The following DYSF variants were observed in gnomAD, a reference collection of about 807,000 sequenced individuals.
DYSF encodes dystrophy-associated fer-1-like 1.
Under a neutral mutation model 274.9 loss-of-function variants are expected in DYSF, and 212 were observed. The observed-to-expected ratio is 0.77, with a 90% CI of 0.69 to 0.86. The LOEUF (loss-of-function observed/expected upper bound fraction) is 0.86. DYSF is among the 40% of genes least tolerant of loss of function. DYSF has a pLI of 0.00. For synonymous variants in DYSF, 1,091 were observed against 1,078.7 expected (o/e 1.01, Z -0.22); for missense variants, 2,666 against 2,783.2 (o/e 0.96, Z 0.95).
At chr2:71,526,418 T>TGGGGGGGGGGGTTG in intron 13 of DYSF, 72 bp downstream of exon 13, 1 of 261,502 alleles carries the variant, frequency 3.8e-6, no homozygotes, top group Non-Finnish European at 7.0e-6. Flanking sequence ...GGGTGGGCGA[T>TGGGGGGGGGGGTTG]GGCGGGCGGG....
intron 40 of DYSF, among the ~76,000 whole-genome samples, chr2:71,617,751 G>C (rs1260037333): frequency 3.3e-5 from 3 of 91,644 alleles, no homozygotes; most frequent in African/African-American, 1.1e-4. Flanking sequence ...TGTGTATGTG[G>C]GGTAGAGGTG....
chr2:71,682,498 T>A (rs2095308689), intron 54 of DYSF, 32 bp from the exon 55 acceptor site: 2 of 1,614,064 alleles, frequency 1.2e-6, no homozygotes, highest in African/African-American at 1.3e-5. Context: ...TAGTAAAGGA[T>A]GCCCAGTTGA....
chr2:71,561,411 C>G (rs910217795), intron 22 of DYSF, among the ~76,000 whole-genome samples: 1 of 152,142 alleles, frequency 6.6e-6, no homozygotes, highest in Non-Finnish European at 1.5e-5. Flanking sequence ...CTGGGCCCTC[C>G]GAGAGCCTGT....
chr2:71,485,608 G>A (rs1187263776), intron 3 of DYSF, among the ~76,000 whole-genome samples: 1 of 152,106 alleles, frequency 6.6e-6, no homozygotes. Context: ...TACCTGCAAG[G>A]TAATTCTGTC....
At chr2:71,574,492 C>A in intron 30 of DYSF, 121 bp downstream of exon 30, 2 of 1,220,136 alleles carry the variant, frequency 1.6e-6, no homozygotes, top group Non-Finnish European at 1.1e-6. Flanking sequence ...GGAACGCTGG[C>A]TGGTCATCCT....
chr2:71,547,690 G>A (rs1413710634), intron 17 of DYSF, among the ~76,000 whole-genome samples: 6 of 152,210 alleles, frequency 3.9e-5, no homozygotes, highest in Admixed American at 3.9e-4. Flanking sequence ...TAATGAAAAG[G>A]TGTGGTTGCG....
At chr2:71,667,633 T>C (rs2095040173) in intron 48 of DYSF, 118 bp downstream of exon 48, 2 of 1,472,178 alleles carry the variant, frequency 1.4e-6, no homozygotes, top group Admixed American at 4.0e-5. Flanking sequence ...CAATCCTTCC[T>C]TGACCCATTT....
intron 3 of DYSF, among the ~76,000 whole-genome samples, chr2:71,500,614 T>C (rs1036082208): frequency 6.6e-6 from 1 of 152,134 alleles, no homozygotes; most frequent in Non-Finnish European, 1.5e-5. Context: ...CCGGGAATTC[T>C]CCCTGGGCTG....
intron 22 of DYSF, among the ~76,000 whole-genome samples, chr2:71,557,541 C>G (rs559894332): frequency 7.3e-4 from 111 of 151,604 alleles, no homozygotes; most frequent in Non-Finnish European, 1.3e-3. Flanking sequence ...CTGGTGGTGG[C>G]GGCGAATGGC....
chr2:71,668,938 G>T (rs1042662113), intron 49 of DYSF, 96 bp downstream of exon 49: 56 of 1,412,188 alleles, frequency 4.0e-5, no homozygotes, highest in Non-Finnish European at 4.7e-5. Context: ...TTTCTGCCGG[G>T]CTTCAGGCTA....
intron 40 of DYSF, among the ~76,000 whole-genome samples, chr2:71,618,453 G>GTGTGGTAGA (rs1558640460): frequency 1.5e-4 from 1 of 6,822 alleles, no homozygotes. Flanking sequence ...GGTAGAGGTG[G>GTGTGGTAGA]GGTTGTGTGT....
chr2:71,662,003 G>A (rs2094890071), intron 45 of DYSF, among the ~76,000 whole-genome samples: 1 of 152,180 alleles, frequency 6.6e-6, no homozygotes, highest in African/African-American at 2.4e-5. Context: ...GCAGTGGGCA[G>A]GGCCTGTTCC....
intron 1 of DYSF, among the ~76,000 whole-genome samples, chr2:71,474,938 G>A (rs1235670390): frequency 1.3e-5 from 2 of 152,202 alleles, no homozygotes; most frequent in Non-Finnish European, 2.9e-5. Context: ...ATCTGTGATA[G>A]GGGAGGGGAA....
At chr2:71,594,801 T>C (rs2093361915) in intron 32 of DYSF, among the ~76,000 whole-genome samples, 1 of 152,202 alleles carries the variant, frequency 6.6e-6, no homozygotes, top group South Asian at 2.1e-4. Context: ...AAGCCTGACT[T>C]GGTGCCAGCA....
chr2:71,550,886 C>A (rs559468539), intron 17 of DYSF, among the ~76,000 whole-genome samples, 155 bp from the exon 18 acceptor site: 1 of 152,154 alleles, frequency 6.6e-6, no homozygotes, highest in Non-Finnish European at 1.5e-5. Context: ...AGCTATCGCT[C>A]GTGGCGTTCT....
In DYSF at chr2:71,529,870, G is replaced by A. The variant is rs545684994; in HGVS notation, c.1380+1469G>A. Reference sequence around the variant, plus strand: ...AAGAAGAGCTTTCTCCCTCCGCTTCGTTGAGTATTAGTATGGACCTCAATA... The same window carrying A: ...AAGAAGAGCTTTCTCCCTCCGCTTCATTGAGTATTAGTATGGACCTCAATA... On this transcript the variant is annotated intron_variant, in intron 14 of 55. Coordinates refer to ENST00000410020, the MANE Select transcript of DYSF (RefSeq NM_001130987.2). Among the ~76,000 whole-genome samples, 12 of 152,210 alleles carry A rather than the reference G, an allele frequency of 7.9e-5. No homozygotes were observed. The South Asian group carries it at 1.0e-3, about 13-fold the overall frequency.
intron 41 of DYSF, among the ~76,000 whole-genome samples, chr2:71,632,898 A>G (rs1432830188): frequency 6.6e-6 from 1 of 152,252 alleles, no homozygotes; most frequent in Non-Finnish European, 1.5e-5. Context: ...TCAAGTGATC[A>G]GGTCCCCTTG....
Position 71,551,644 on chromosome 2 carries a change from C to G in DYSF, c.1730C>G (p.Ser577Cys), listed in dbSNP as rs753416561. The change falls in exon 19 of 56, where the codon TCC becomes TGC. Residue 577 changes from serine to cysteine, a missense_variant. By Grantham distance (112) the Ser-to-Cys change is moderately radical (BLOSUM62 -1). This residue lies in a region of DYSF where 794 missense variants were observed against 777.1 expected (regional missense o/e 1.02). Coordinates refer to ENST00000410020, the MANE Select transcript of DYSF (RefSeq NM_001130987.2). ...GCTTATCGTGGCCGGCTTCTGCTCT[C>G]CCTGGAGACCAAGCTGGTGGAGCAC... ...GVAYRGRLLLSLETKLVEHSE... is the reference protein window; with the variant it reads ...GVAYRGRLLLCLETKLVEHSE... 6.2e-7 allele frequency: 1 copy of G among 1,610,390 alleles called. No individual in the cohort carries two copies. Among genetic ancestry groups the G allele is most frequent in the Admixed American group, 1.7e-5 (1 of 59,678 alleles).
intron 53 of DYSF, among the ~76,000 whole-genome samples, chr2:71,680,004 A>G (rs2095276675): frequency 6.6e-6 from 1 of 152,234 alleles, no homozygotes; most frequent in South Asian, 2.1e-4. Flanking sequence ...TACAGATAGT[A>G]CTAAACCCGT....
Sources: allele counts gnomAD v4.1 joint callset (sites outside exome capture counted in the v4.1 genomes callset), GRCh38; gene constraint gnomAD v4.1.1; regional missense constraint gnomAD v4.1.1; transcripts MANE v1.5; gene names NCBI Gene and HGNC (gene_info 2026-07-23, HGNC 2026-07-21).